Variants in SLC38A9 observed in about 807,000 individuals in gnomAD.
SLC38A9 encodes solute carrier family 38 member 9.
SLC38A9 carries 48 observed loss-of-function variants against 62.3 expected under a neutral mutation model. That is an observed-to-expected ratio of 0.77 (90% CI 0.61 to 0.98). The LOEUF is 0.98. Ranked by LOEUF, SLC38A9 falls within the 50% of genes least tolerant of loss-of-function variation. The probability of loss-of-function intolerance (pLI) is 0.00; values close to 1 mark genes in which losing one functional copy is unlikely to be tolerated. For missense variants in SLC38A9, 541 were observed against 679.8 expected (o/e 0.80, Z 2.27); for synonymous variants, 204 against 227.7 (o/e 0.90, Z 0.94).
intron 3 of SLC38A9, among the ~76,000 whole-genome samples, chr5:55,697,463 CT>C (rs1361015497): frequency 1.3e-5 from 2 of 152,010 alleles, no homozygotes; most frequent in Non-Finnish European, 2.9e-5. Flanking sequence ...TTATTTTAAA[CT>C]ATCTGCTGAA....
chr5:55,658,289 G>A (rs1274224999), intron 8 of SLC38A9, among the ~76,000 whole-genome samples: 16 of 152,120 alleles, frequency 1.1e-4, no homozygotes, highest in Admixed American at 1.0e-3. Flanking sequence ...GAGTAGCTGG[G>A]ATTACAGGTG....
In SLC38A9 at chr5:55,678,470, A is replaced by G. The variant is rs148324209; in HGVS notation, c.114-5775T>C. Among the ~76,000 whole-genome samples, 562 of 151,950 alleles carry G rather than the reference A, an allele frequency of 3.7e-3. 1 individual carries two copies. Among genetic ancestry groups the G allele is most frequent in the African/African-American group, 0.013 (528 of 41,474 alleles). The stretch of plus-strand genomic sequence containing the variant: ...GTTGTTTCTAAATTAACAGTATTAA[A>G]TCAATGAAAACACTAGTATTTTGAG... On this transcript the variant is annotated intron_variant, in intron 3 of 15. Coordinates refer to ENST00000396865, the MANE Select transcript of SLC38A9 (RefSeq NM_173514.4).
At chr5:55,636,086 T>C (rs926246319) in intron 12 of SLC38A9, among the ~76,000 whole-genome samples, 1 of 152,206 alleles carries the variant, frequency 6.6e-6, no homozygotes, top group Non-Finnish European at 1.5e-5. Context: ...CTTTGGTAAA[T>C]TAACTTATAT....
Position 55,664,864 on chromosome 5 carries a change from C to T in SLC38A9, c.527-1G>A. 1 of 1,518,162 alleles carries T rather than the reference C, an allele frequency of 6.6e-7. No homozygotes were observed. The highest frequency in any genetic ancestry group is 8.8e-7 in the Non-Finnish European group (1 of 1,130,366). 94.0% of individuals were successfully genotyped at this position (1,518,162 alleles called of 1,614,324 possible). On this transcript the variant is annotated splice_acceptor_variant, in intron 7 of 15. Transcript: ENST00000396865. LOFTEE classifies it high-confidence loss of function. Reference sequence around the variant, plus strand: ...TCCCAGCTAGTGGTATCCAACGAAACTAGATAAAATAAGAGAAAGAATAAA... The same window carrying T: ...TCCCAGCTAGTGGTATCCAACGAAATTAGATAAAATAAGAGAAAGAATAAA...
At chr5:55,653,721 C>T (rs367771478) in intron 9 of SLC38A9, among the ~76,000 whole-genome samples, 4 of 151,312 alleles carry the variant, frequency 2.6e-5, no homozygotes, top group African/African-American at 9.7e-5. Flanking sequence ...TGCAGTGGTG[C>T]GATCTCGGCT....
intron 12 of SLC38A9, among the ~76,000 whole-genome samples, chr5:55,642,326 T>G (rs1745574453): frequency 6.6e-6 from 1 of 152,248 alleles, no homozygotes; most frequent in Admixed American, 6.5e-5. Context: ...ATTACAGGCG[T>G]GAGCCACCGT....
chr5:55,687,090 TG>T (rs1753980055), intron 3 of SLC38A9, among the ~76,000 whole-genome samples: 1 of 143,588 alleles, frequency 7.0e-6, no homozygotes, highest in African/African-American at 2.6e-5. Context: ...TTTTTTTTTT[TG>T]CTTAAGATTG....
intron 3 of SLC38A9, among the ~76,000 whole-genome samples, chr5:55,695,314 G>C (rs995585786): frequency 1.4e-5 from 2 of 138,786 alleles, no homozygotes; most frequent in African/African-American, 2.7e-5. Context: ...GTTTCTCACA[G>C]AGGGGGATTT....
intron 12 of SLC38A9, among the ~76,000 whole-genome samples, chr5:55,644,427 TG>T (rs1745968804): frequency 6.6e-6 from 1 of 152,144 alleles, no homozygotes; most frequent in African/African-American, 2.4e-5. Flanking sequence ...TTGCATTTTT[TG>T]TTTGTTTGTT....
intron 13 of SLC38A9, 122 bp downstream of exon 13, chr5:55,635,422 T>C (rs754791144): frequency 1.3e-6 from 1 of 741,616 alleles, no homozygotes; most frequent in Non-Finnish European, 2.4e-6. Flanking sequence ...TTGGAGTAGA[T>C]AGCAGAGATG....
At chr5:55,674,293 T>C (rs1221819219) in intron 3 of SLC38A9, among the ~76,000 whole-genome samples, 1 of 152,224 alleles carries the variant, frequency 6.6e-6, no homozygotes, top group Admixed American at 6.5e-5. Flanking sequence ...TGACATATTA[T>C]ATATACTAGT....
intron 8 of SLC38A9, among the ~76,000 whole-genome samples, chr5:55,662,922 G>A (rs1749854023): frequency 6.7e-6 from 1 of 148,274 alleles, no homozygotes; most frequent in Non-Finnish European, 1.5e-5. Context: ...CTGAGATAGA[G>A]TCTTGCTCTG....
chr5:55,634,976 T>TC (rs1744102709), intron 13 of SLC38A9: 1 of 136,168 alleles, frequency 7.3e-6, no homozygotes, highest in African/African-American at 2.9e-5. Context: ...CTGTCTCTCT[T>TC]TTTTTTTTTT....
intron 3 of SLC38A9, among the ~76,000 whole-genome samples, chr5:55,687,476 G>C (rs1754081153): frequency 6.7e-6 from 1 of 148,230 alleles, no homozygotes; most frequent in East Asian, 2.0e-4. Flanking sequence ...TGTGAAGAAT[G>C]TCAATGGTAG....
intron 3 of SLC38A9, among the ~76,000 whole-genome samples, chr5:55,682,031 C>T (rs1386503470): frequency 1.4e-5 from 2 of 142,868 alleles, no homozygotes; most frequent in Non-Finnish European, 3.1e-5. Context: ...CTTAAGGCCC[C>T]CTTAAGGACT....
intron 12 of SLC38A9, among the ~76,000 whole-genome samples, chr5:55,640,016 C>T (rs1239441077): frequency 8.5e-6 from 1 of 117,760 alleles, no homozygotes; most frequent in Non-Finnish European, 1.6e-5. Context: ...GATGGAGTCT[C>T]GCTCTGTCAC....
chr5:55,673,972 A>G (rs1445388732), intron 3 of SLC38A9, among the ~76,000 whole-genome samples: 2 of 152,202 alleles, frequency 1.3e-5, no homozygotes, highest in Non-Finnish European at 2.9e-5. Context: ...TTGGCCTCCC[A>G]AAGAGTTGGG....
At chr5:55,708,734 T>C (rs1757618888) in intron 2 of SLC38A9, among the ~76,000 whole-genome samples, 1 of 152,248 alleles carries the variant, frequency 6.6e-6, no homozygotes, top group Non-Finnish European at 1.5e-5. Flanking sequence ...GGTTGACATA[T>C]TTTTTTCTGT....
At chr5:55,668,873 T>C (rs1374691328) in intron 7 of SLC38A9, among the ~76,000 whole-genome samples, 1 of 152,240 alleles carries the variant, frequency 6.6e-6, no homozygotes, top group East Asian at 1.9e-4. Flanking sequence ...TTAGATCTTT[T>C]GGTATGAATA....
Sources: allele counts gnomAD v4.1 joint callset (sites outside exome capture counted in the v4.1 genomes callset), GRCh38; gene constraint gnomAD v4.1.1; transcripts MANE v1.5; gene names NCBI Gene and HGNC (gene_info 2026-07-23, HGNC 2026-07-21).